Variants in OCA2 observed in about 807,000 individuals in gnomAD.
OCA2 encodes the protein OCA2 melanosomal transmembrane protein.
A neutral mutation model predicts 100.2 loss-of-function variants in OCA2; 77 were observed. The observed-to-expected ratio is 0.77, with a 90% CI of 0.64 to 0.93. The LOEUF (loss-of-function observed/expected upper bound fraction) is 0.93, where lower values mean the gene tolerates loss of function less well. OCA2 is among the 40% of genes least tolerant of loss of function. OCA2 has a pLI of 0.00. For missense variants in OCA2, 1,062 were observed against 1,089.1 expected, an observed-to-expected ratio of 0.98 and a Z score of 0.35; for synonymous variants, 432 against 439.2, an observed-to-expected ratio of 0.98 and a Z score of 0.21.
chr15:27,983,958 T>C (rs1429748886), intron 13 of OCA2, among the ~76,000 whole-genome samples: 1 of 151,096 alleles, frequency 6.6e-6, no homozygotes, highest in African/African-American at 2.4e-5. Flanking sequence ...GTATTTTCTA[T>C]GTATTTACTT....
chr15:27,976,775 CTCT>C (rs978089424), intron 14 of OCA2, among the ~76,000 whole-genome samples: 5 of 152,076 alleles, frequency 3.3e-5, no homozygotes, highest in Non-Finnish European at 7.4e-5. Context: ...ATATTCTCAC[CTCT>C]TCAATTTACT....
In OCA2 at chr15:27,764,346, T is replaced by C. The variant is rs76440714; in HGVS notation, c.2433-8874A>G. Among the ~76,000 whole-genome samples the C allele has an allele frequency of 4.0e-3, 612 of 152,020 alleles. 6 individuals are homozygous for C. The highest frequency in any genetic ancestry group is 0.014 in the African/African-American group (587 of 41,438). On this transcript the variant is annotated intron_variant, in intron 23 of 23. Coordinates refer to ENST00000354638, the MANE Select transcript of OCA2 (RefSeq NM_000275.3). Reference sequence around the variant, plus strand: ...AGGGTTACCATGAGCCAGCAAAGAATAACACTCACACTGAAAGGCATTTTG... The same window carrying C: ...AGGGTTACCATGAGCCAGCAAAGAACAACACTCACACTGAAAGGCATTTTG...
chr15:27,790,647 A>G (rs1398840352), intron 23 of OCA2, among the ~76,000 whole-genome samples: 2 of 152,210 alleles, frequency 1.3e-5, no homozygotes, highest in East Asian at 3.8e-4. Flanking sequence ...GGGGTACCAG[A>G]AAAGTTCTGG....
chr15:27,729,608 T>A, the OCA2 span, among the ~76,000 whole-genome samples: 1 of 152,090 alleles, frequency 6.6e-6, no homozygotes, highest in Non-Finnish European at 1.5e-5. Context: ...AACAACAGGG[T>A]CTCCCTACTT....
At chr15:27,834,506 G>GC (rs2035075489) in intron 23 of OCA2, among the ~76,000 whole-genome samples, 1 of 152,224 alleles carries the variant, frequency 6.6e-6, no homozygotes, top group Non-Finnish European at 1.5e-5. Context: ...GTGAGGGGTT[G>GC]CAGGAACCCT....
chr15:27,938,491 G>C (rs528099607), intron 18 of OCA2, among the ~76,000 whole-genome samples: 1 of 149,630 alleles, frequency 6.7e-6, no homozygotes, highest in African/African-American at 2.6e-5. Context: ...TTCCAAAAAT[G>C]GAAGGGAGAA....
chr15:27,851,612 A>C, intron 21 of OCA2, 137 bp from the exon 22 acceptor site: 1 of 792,658 alleles, frequency 1.3e-6, no homozygotes. Context: ...AAAGAAACCA[A>C]AGCAGACTTT....
chr15:27,823,547 A>T lies in OCA2; in HGVS notation c.2432+21412T>A, dbSNP rs76975448. Among the ~76,000 whole-genome samples, 9 of 152,352 alleles carry T rather than the reference A, an allele frequency of 5.9e-5. No homozygotes were observed. The East Asian group carries it at 1.7e-3, about 29-fold the overall frequency. ...TCATGCTAAAACAACCAGCTGACAC[A>T]GGGAAACTTAATCATAAAGCAAAAG... is the stretch of plus-strand genomic sequence containing the variant. On this transcript the variant is annotated intron_variant, in intron 23 of 23. Transcript: ENST00000354638.
chr15:27,945,435 C>T (rs1460118919), intron 18 of OCA2, among the ~76,000 whole-genome samples: 1 of 152,172 alleles, frequency 6.6e-6, no homozygotes, highest in Non-Finnish European at 1.5e-5. Flanking sequence ...AAAAGATGCA[C>T]TAACTGGTCA....
chr15:28,081,691 C>G lies in OCA2; in HGVS notation c.184G>C (p.Ala62Pro). The G allele has an allele frequency of 6.2e-7, 1 of 1,613,896 alleles. No individual in the cohort carries two copies. Among genetic ancestry groups the G allele is most frequent in the Non-Finnish European group, 8.5e-7 (1 of 1,180,016 alleles). ...PRGAAGQSSW[A>P]PAGQEFASFL... The stretch of plus-strand genomic sequence containing the variant: ...GAAGCAAACTCCTGGCCTGCAGGAG[C>G]CCAAGAGCTCTGCCCGGCAGCCCCC... Residue 62 changes from alanine (A) to proline (P), a missense_variant, in exon 2 of 24, where the codon GCT (alanine) becomes CCT (proline). Transcript: ENST00000354638.
chr15:28,053,846 A>G (rs2043594855), intron 2 of OCA2, among the ~76,000 whole-genome samples: 1 of 152,220 alleles, frequency 6.6e-6, no homozygotes, highest in Admixed American at 6.5e-5. Context: ...ATACCTGGCA[A>G]AAGTGGTAGC....
At chr15:27,746,024 C>A in the OCA2 span, among the ~76,000 whole-genome samples, 1 of 152,320 alleles carries the variant, frequency 6.6e-6, no homozygotes, top group South Asian at 2.1e-4. Flanking sequence ...ATGTATAAAA[C>A]CAAGCTCTAA....
At chr15:28,010,461 C>G (rs551976119) in intron 9 of OCA2, among the ~76,000 whole-genome samples, 1 of 151,922 alleles carries the variant, frequency 6.6e-6, no homozygotes, top group Non-Finnish European at 1.5e-5. Context: ...TAGGAAATCT[C>G]AATAATTTTA....
intron 23 of OCA2, among the ~76,000 whole-genome samples, chr15:27,774,407 G>T (rs1382390043): frequency 6.6e-6 from 1 of 152,248 alleles, no homozygotes; most frequent in African/African-American, 2.4e-5. Context: ...CAGCATCATT[G>T]AGCGGAGACC....
At chr15:27,762,795 C>T (rs2030948602) in intron 23 of OCA2, among the ~76,000 whole-genome samples, 1 of 152,206 alleles carries the variant, frequency 6.6e-6, no homozygotes, top group Non-Finnish European at 1.5e-5. Context: ...AACGGTTTGC[C>T]TAGGCTTGTG....
intron 9 of OCA2, among the ~76,000 whole-genome samples, chr15:27,997,261 G>GAAA (rs398118678): frequency 6.6e-6 from 1 of 151,370 alleles, no homozygotes; most frequent in Non-Finnish European, 1.5e-5. Flanking sequence ...AAGAAAGAAA[G>GAAA]GGAAAATTAA....
chr15:27,723,132 C>G, the OCA2 span, among the ~76,000 whole-genome samples: 1 of 152,030 alleles, frequency 6.6e-6, no homozygotes, highest in Non-Finnish European at 1.5e-5. Flanking sequence ...CATAAGCCAC[C>G]GCGCCTGGCC....
intron 23 of OCA2, among the ~76,000 whole-genome samples, chr15:27,824,699 C>T (rs539483055): frequency 2.7e-5 from 4 of 149,900 alleles, no homozygotes; most frequent in Non-Finnish European, 4.4e-5. Flanking sequence ...GCCACATCTC[C>T]GGCCAGCTGC....
At chr15:27,841,478 A>C (rs563908382) in intron 23 of OCA2, among the ~76,000 whole-genome samples, 1 of 152,328 alleles carries the variant, frequency 6.6e-6, no homozygotes, top group East Asian at 1.9e-4. Flanking sequence ...TCTCTGAATT[A>C]TTTCTTACAA....
Sources: allele counts gnomAD v4.1 joint callset (sites outside exome capture counted in the v4.1 genomes callset), GRCh38; gene constraint gnomAD v4.1.1; transcripts MANE v1.5; gene names NCBI Gene and HGNC (gene_info 2026-07-23, HGNC 2026-07-21).